The following CABYR variants were observed in gnomAD, a reference collection of about 807,000 sequenced individuals.
The protein encoded by CABYR is calcium-binding tyrosine phosphorylation-regulated protein.
A neutral mutation model predicts 36.1 loss-of-function variants in CABYR; 31 were observed. That is an observed-to-expected ratio of 0.86 (90% CI 0.64 to 1.16). The LOEUF (loss-of-function observed/expected upper bound fraction) is 1.16. Ranked by LOEUF, CABYR falls within the 50% of genes most tolerant of loss-of-function variation. The pLI is 0.00. For missense variants in CABYR, 429 were observed against 455.8 expected (o/e 0.94, Z 0.53); for synonymous variants, 146 against 160.7 (o/e 0.91, Z 0.69).
intron 3 of CABYR, among the ~76,000 whole-genome samples, chr18:24,144,242 C>T (rs570673298): frequency 6.6e-6 from 1 of 152,174 alleles, no homozygotes; most frequent in East Asian, 1.9e-4. Flanking sequence ...TGGATTATCC[C>T]AGTGAGAGTG....
chr18:24,140,349 A>G (rs2085281962), intron 1 of CABYR: 1 of 152,208 alleles, frequency 6.6e-6, no homozygotes. Flanking sequence ...TATGTATCAA[A>G]CATGTCATGC....
chr18:24,150,768 GTTTTTTTGTTTTTTGTTTTTTTT>G lies in CABYR; in HGVS notation c.200-4924_200-4902del, dbSNP rs2030806824. ...CCCACCTCCCACCTCCAGTTTTTTT[GTTTTTTTGTTTTTTGTTTTTTTT>G]TTTTTTTGAGACGGAGTCTCACTCT... On this transcript the variant is annotated intron_variant, in intron 3 of 5. Transcript: ENST00000399496. The G allele has an allele frequency of 2.4e-5, 3 of 123,096 alleles. No individual in the cohort carries two copies. The Admixed American group carries it at 2.9e-4, about 12-fold the overall frequency. The allele number at this position is 123,096 out of a possible 1,614,324, so 7.6% of individuals were successfully genotyped here. A position where few individuals can be genotyped will look rare whatever the true frequency, so the allele number is the denominator to read the frequency against.
In CABYR at chr18:24,143,036, A is replaced by C. The variant is rs1004312744; in HGVS notation, c.-24-55A>C. ...TGACAGAGTCTCAAAAAAAAAAAAAAAAAAAACCTATTTTAGTAAAACTAA... is the reference window on the plus strand; with the variant it reads ...TGACAGAGTCTCAAAAAAAAAAAAACAAAAAACCTATTTTAGTAAAACTAA... On this transcript the variant is annotated intron_variant, in intron 1 of 5. Coordinates refer to ENST00000399496, the MANE Select transcript of CABYR (RefSeq NM_153769.3). The C allele has an allele frequency of 5.9e-5, 78 of 1,329,886 alleles. 1 individual carries two copies. The highest frequency in any genetic ancestry group is 9.0e-5 in the South Asian group (6 of 66,760). 82.4% of individuals were successfully genotyped at this position (1,329,886 alleles called of 1,614,324 possible).
intron 3 of CABYR, among the ~76,000 whole-genome samples, chr18:24,143,898 G>GTT (rs869093855): frequency 7.0e-6 from 1 of 143,526 alleles, no homozygotes; most frequent in Non-Finnish European, 1.5e-5. Flanking sequence ...TTGTTGGAAG[G>GTT]TTTTTTTTTT....
At chr18:24,154,601 G>T (rs1568462806) in intron 3 of CABYR, among the ~76,000 whole-genome samples, 1 of 152,332 alleles carries the variant, frequency 6.6e-6, no homozygotes, top group African/African-American at 2.4e-5. Context: ...TTGAAAACAT[G>T]TCTCCAAAGT....
intron 1 of CABYR, among the ~76,000 whole-genome samples, chr18:24,142,218 G>A (rs143109353): frequency 0.044 from 6,673 of 152,050 alleles, 485 homozygotes; most frequent in African/African-American, 0.15. Context: ...TACTCGGGAG[G>A]CTGAGGCAGA....
At chr18:24,143,014 CA>C in intron 1 of CABYR, 76 bp from the exon 2 acceptor site, 1 of 1,053,938 alleles carries the variant, frequency 9.5e-7, no homozygotes, top group Non-Finnish European at 1.3e-6. Context: ...GCCTGGGTGA[CA>C]GAGTCTCAAA....
At chr18:24,149,261 T>C (rs1403670048) in intron 3 of CABYR, among the ~76,000 whole-genome samples, 1 of 150,504 alleles carries the variant, frequency 6.6e-6, no homozygotes, top group Non-Finnish European at 1.5e-5. Context: ...GATTGGTGTA[T>C]TTACAATCCC....
At chr18:24,158,224 G>C (rs182765233) in intron 4 of CABYR, among the ~76,000 whole-genome samples, 397 of 151,872 alleles carry the variant, frequency 2.6e-3, no homozygotes, top group Admixed American at 5.8e-3. Context: ...GACCTGGCTT[G>C]TACATATTTT....
Position 24,159,811 on chromosome 18 carries a change from A to C in CABYR, c.881A>C (p.Gln294Pro). ...QSDVLRYVAM[Q>P]VPIAVPADEK... The stretch of plus-strand genomic sequence containing the variant: ...GATGTCTTGAGATATGTTGCAATGC[A>C]AGTGCCCATTGCTGTTCCTGCAGAT... The change falls in exon 5 of 6, where the codon CAA becomes CCA. Residue 294 changes from glutamine (Q) to proline (P), a missense_variant. Physicochemically the swap from Gln to Pro is moderately conservative, Grantham distance 76. Transcript: ENST00000399496. 1 of 1,614,056 alleles carries C rather than the reference A, an allele frequency of 6.2e-7. No individual in the cohort carries two copies. The highest frequency in any genetic ancestry group is 8.5e-7 in the Non-Finnish European group (1 of 1,179,932).
chr18:24,139,064 G>A lies in CABYR; in HGVS notation c.-79G>A, dbSNP rs1470605882. ...GCTCGCAAGCGCCAAGTCTCCTCAGGAGCCGCCGGCAAGGGGGCAACGAGG... is the reference window on the plus strand; with the variant it reads ...GCTCGCAAGCGCCAAGTCTCCTCAGAAGCCGCCGGCAAGGGGGCAACGAGG... On this transcript the variant is annotated 5_prime_UTR_variant, in exon 1 of 6. Transcript: ENST00000399496. 2.6e-5 allele frequency: 4 copies of A among 152,244 alleles called. No individual in the cohort carries two copies. The highest frequency in any genetic ancestry group is 5.9e-5 in the Non-Finnish European group (4 of 68,054). The allele number at this position is 152,244 out of a possible 1,614,324, so 9.4% of individuals were successfully genotyped here.
In CABYR at chr18:24,161,474, GTTTAAC is replaced by G. The variant is rs767961273; in HGVS notation, c.*-36_*-31del. The G allele has an allele frequency of 1.3e-5, 10 of 778,392 alleles. 1 individual carries two copies. The highest frequency in any genetic ancestry group is 1.2e-4 in the Admixed American group (7 of 58,692). 48.2% of individuals were successfully genotyped at this position (778,392 alleles called of 1,614,324 possible). A position where few individuals can be genotyped will look rare whatever the true frequency, so the allele number is the denominator to read the frequency against. Reference sequence around the variant, plus strand: ...GCTCATTTCACATGTTCGGTTTCATGTTTAACTTTAAACAATTCAATGTTTGCATTA... The same window carrying G: ...GCTCATTTCACATGTTCGGTTTCATGTTTAAACAATTCAATGTTTGCATTA... On this transcript the variant is annotated intron_variant, in intron 5 of 5. Transcript: ENST00000399496.
chr18:24,158,154 A>C (rs2085843381), intron 4 of CABYR, among the ~76,000 whole-genome samples: 2 of 152,144 alleles, frequency 1.3e-5, no homozygotes, highest in South Asian at 4.1e-4. Flanking sequence ...CCACAACACT[A>C]AGAGGATACT....
intron 3 of CABYR, among the ~76,000 whole-genome samples, chr18:24,151,031 C>T: frequency 6.6e-6 from 1 of 152,312 alleles, no homozygotes; most frequent in South Asian, 2.1e-4. Context: ...TCTCGTATCT[C>T]TTGTTAGGCC....
chr18:24,156,038 G>GT lies in CABYR; in HGVS notation c.539dup (p.Leu180PhefsTer7). On this transcript the variant is annotated frameshift_variant, in exon 4 of 6. Transcript: ENST00000399496. LOFTEE classifies it high-confidence loss of function. ...ACCCAGCTCAGCTTGCTGCTCAGAT[G>GT]TTAGGTAAAGTTTCATCTATTCATT... The GT allele has an allele frequency of 6.2e-7, 1 of 1,614,198 alleles. No homozygotes were observed. Among genetic ancestry groups the GT allele is most frequent in the Non-Finnish European group, 8.5e-7 (1 of 1,180,042 alleles).
In CABYR at chr18:24,139,420, G is replaced by A. The variant is rs1243186936; in HGVS notation, c.-25+302G>A. 2.0e-5 allele frequency: 3 copies of A among 152,300 alleles called. No homozygotes were observed. The East Asian group carries it at 5.8e-4, about 29-fold the overall frequency. The allele number at this position is 152,300 out of a possible 1,614,324, so 9.4% of individuals were successfully genotyped here. ...CCCAAACAGACCTAGCGCAAAACGAGCACTGACACAGCGGGGGCCCACATC... is the reference window on the plus strand; with the variant it reads ...CCCAAACAGACCTAGCGCAAAACGAACACTGACACAGCGGGGGCCCACATC... On this transcript the variant is annotated intron_variant, in intron 1 of 5. Coordinates refer to ENST00000399496, the MANE Select transcript of CABYR (RefSeq NM_153769.3).
At chr18:24,152,769 G>C (rs2085673978) in intron 3 of CABYR, 1 of 152,112 alleles carries the variant, frequency 6.6e-6, no homozygotes, top group South Asian at 2.1e-4. Context: ...AGGCAGTCTA[G>C]GGATTGCAGT....
chr18:24,146,109 C>T (rs1461887674), intron 3 of CABYR, among the ~76,000 whole-genome samples: 1 of 145,352 alleles, frequency 6.9e-6, no homozygotes, highest in Non-Finnish European at 1.5e-5. Flanking sequence ...AAACAACACA[C>T]TCACTAGAAA....
Position 24,152,454 on chromosome 18 carries a change from A to G in CABYR, c.200-3247A>G, listed in dbSNP as rs79848826. Among the ~76,000 whole-genome samples, 792 of 152,264 alleles carry G rather than the reference A, an allele frequency of 5.2e-3. 12 individuals are homozygous for G. The highest frequency in any genetic ancestry group is 0.018 in the African/African-American group (752 of 41,560). On this transcript the variant is annotated intron_variant, in intron 3 of 5. Coordinates refer to ENST00000399496, the MANE Select transcript of CABYR (RefSeq NM_153769.3). ...AGGTTTTCTCATTAACTTTTTTACT[A>G]TGAGAAAGTTGCAGGGAAGAAAACA...
Sources: gnomAD v4.1 joint callset for allele counts (sites outside exome capture counted in the v4.1 genomes callset) on GRCh38, gnomAD v4.1.1 for gene constraint, MANE v1.5 for transcripts, NCBI Gene and HGNC (gene_info 2026-07-23, HGNC 2026-07-21) for gene names.